NF1: variants seen among roughly 807,000 people sequenced by gnomAD.
The protein encoded by NF1 is neurofibromin 1, also known as neurofibromin.
NF1 carries 122 observed loss-of-function variants against 325.7 expected under a neutral mutation model. The ratio of observed to expected loss-of-function variants is 0.37; its 90% CI spans 0.32 to 0.44. The LOEUF (loss-of-function observed/expected upper bound fraction) is 0.44. NF1 is among the 20% of genes least tolerant of loss of function. The pLI, the probability that NF1 is intolerant of heterozygous loss-of-function variation, is 1.00. For synonymous variants in NF1, 1,091 were observed against 1,186.0 expected (o/e 0.92, Z 1.65); for missense variants, 2,140 against 3,415.4 (o/e 0.63, Z 9.31).
intron 10 of NF1, 123 bp downstream of exon 10, chr17:31,201,282 C>T (rs2066524428): frequency 3.4e-6 from 5 of 1,471,912 alleles, no homozygotes; most frequent in African/African-American, 2.8e-5. Context: ...TATTGATGTT[C>T]GTTTCAAGAC....
intron 36 of NF1, chr17:31,318,069 C>G (rs2069071598): frequency 4.2e-6 from 2 of 472,500 alleles, no homozygotes; most frequent in Non-Finnish European, 3.6e-6. Flanking sequence ...AAATTTTCCT[C>G]AAATGCTTAG....
At chr17:31,284,428 T>A (rs1260160282) in intron 36 of NF1, among the ~76,000 whole-genome samples, 4 of 152,042 alleles carry the variant, frequency 2.6e-5, no homozygotes, top group Non-Finnish European at 5.9e-5. Flanking sequence ...GATTAAACAG[T>A]CATGTGCTAC....
intron 8 of NF1, among the ~76,000 whole-genome samples, chr17:31,189,413 T>C (rs2066300854): frequency 6.6e-6 from 1 of 152,200 alleles, no homozygotes; most frequent in Admixed American, 6.5e-5. Flanking sequence ...AATTTACGTT[T>C]TTGAAGTGTA....
chr17:31,157,489 T>C (rs1243563454), intron 2 of NF1, among the ~76,000 whole-genome samples: 1 of 152,194 alleles, frequency 6.6e-6, no homozygotes, highest in Admixed American at 6.5e-5. Context: ...TCTCTTGTTC[T>C]ATTTTATTTT....
chr17:31,282,523 C>A (rs749674989), intron 36 of NF1, among the ~76,000 whole-genome samples: 36 of 152,268 alleles, frequency 2.4e-4, no homozygotes, highest in Non-Finnish European at 4.0e-4. Flanking sequence ...CTCCTGCCCC[C>A]CCTCAGCCCC....
chr17:31,162,102 A>G (rs1044009793), intron 3 of NF1, among the ~76,000 whole-genome samples: 3 of 151,808 alleles, frequency 2.0e-5, no homozygotes, highest in African/African-American at 7.3e-5. Context: ...AAATCAACCT[A>G]TGTCACTGGA....
chr17:31,250,562 G>A (rs561443189), intron 30 of NF1: 31 of 200,124 alleles, frequency 1.5e-4, no homozygotes, highest in Non-Finnish European at 3.0e-4. Flanking sequence ...TTCTTCATGT[G>A]GTTGTCATCC....
rs876660624 is a variant in NF1 at position 31,227,252 on chromosome 17, G to A, written c.2286G>A (p.Leu762=). 2 of 1,613,720 alleles carry A rather than the reference G, an allele frequency of 1.2e-6. No homozygotes were observed. Among genetic ancestry groups the A allele is most frequent in the Non-Finnish European group, 1.7e-6 (2 of 1,179,714 alleles). ...RAALQKRVMA[L]LRRIEHPTAG... is the part of the protein sequence containing the mutation. ...CACTTCAGAAAAGAGTGATGGCACT[G>A]CTGAGGCGCATTGAGCATCCCACTG... Residue 762 remains leucine (L), a synonymous_variant, in exon 19 of 58, where the codon CTG becomes CTA. Transcript: ENST00000358273.
intron 4 of NF1, among the ~76,000 whole-genome samples, chr17:31,165,020 C>T (rs1172863868): frequency 6.6e-6 from 1 of 152,084 alleles, no homozygotes; most frequent in African/African-American, 2.4e-5. Flanking sequence ...TAGGTGACTG[C>T]TAGGCCGGCC....
At chr17:31,163,851 C>T (rs1402275802) in intron 4 of NF1, among the ~76,000 whole-genome samples, 19 of 152,016 alleles carry the variant, frequency 1.2e-4, no homozygotes, top group Admixed American at 1.2e-3. Flanking sequence ...CACAACTCTA[C>T]CCTTTATCAC....
intron 12 of NF1, 24 bp downstream of exon 12, chr17:31,206,395 A>T (rs770642158): frequency 7.0e-7 from 1 of 1,421,932 alleles, no homozygotes; most frequent in Non-Finnish European, 9.9e-7. Flanking sequence ...CGAATTTTGA[A>T]TCTCACCTCC....
At chr17:31,162,960 A>G (rs1392864059) in intron 3 of NF1, among the ~76,000 whole-genome samples, 1 of 152,104 alleles carries the variant, frequency 6.6e-6, no homozygotes. Context: ...GGGGGATTGA[A>G]CTTTAATTGT....
chr17:31,326,919 GTTTGT>G (rs777499000), intron 37 of NF1, among the ~76,000 whole-genome samples: 5 of 151,938 alleles, frequency 3.3e-5, no homozygotes, highest in Non-Finnish European at 2.9e-5. Flanking sequence ...CTATAAGATT[GTTTGT>G]TTTGTTTTGT....
At chr17:31,173,078 C>T (rs997067337) in intron 5 of NF1, among the ~76,000 whole-genome samples, 7 of 151,282 alleles carry the variant, frequency 4.6e-5, no homozygotes, top group African/African-American at 1.2e-4. Flanking sequence ...GTTAGGAGTT[C>T]GAGACCAGCC....
At chr17:31,208,814 C>T (rs978209317) in intron 12 of NF1, among the ~76,000 whole-genome samples, 2 of 152,012 alleles carry the variant, frequency 1.3e-5, no homozygotes, top group African/African-American at 4.8e-5. Flanking sequence ...TCGCTTGAAC[C>T]TGGGAGGCAG....
intron 36 of NF1, 150 bp from the exon 37 acceptor site, chr17:31,325,670 A>T: frequency 1.4e-6 from 1 of 694,432 alleles, no homozygotes; most frequent in South Asian, 2.0e-5. Context: ...CCAAAAAACA[A>T]CTGATTTAAA....
At chr17:31,368,346 G>A (rs1360425406) in intron 57 of NF1, among the ~76,000 whole-genome samples, 1 of 151,972 alleles carries the variant, frequency 6.6e-6, no homozygotes, top group Non-Finnish European at 1.5e-5. Flanking sequence ...CACCATTTTG[G>A]CCAGGCTGGT....
At position 31,226,591 on chromosome 17, in the gene NF1, C is replaced by T. The variant is rs759679443; in HGVS notation, c.2158C>T (p.Arg720Trp). 20 of 1,613,718 alleles carry T rather than the reference C, an allele frequency of 1.2e-5. No individual in the cohort carries two copies. The South Asian group carries it at 1.9e-4, about 15-fold the overall frequency. The change falls in exon 18 of 58, where the codon CGG becomes TGG. Residue 720 changes from arginine to tryptophan, a missense_variant. By Grantham distance (101) the Arg-to-Trp change is moderately radical. Coordinates refer to ENST00000358273, the MANE Select transcript of NF1 (RefSeq NM_001042492.3). ...CCACCTCTGTGAGGAAGCAGATATC[C>T]GGTGTGGGGTGGATGAAGTGTCAGT... is the stretch of plus-strand genomic sequence containing the variant. ...FRHLCEEADIRCGVDEVSVHN... is the reference protein window; with the variant it reads ...FRHLCEEADIWCGVDEVSVHN...
At chr17:31,178,868 G>A (rs191588245) in intron 5 of NF1, among the ~76,000 whole-genome samples, 3 of 152,226 alleles carry the variant, frequency 2.0e-5, no homozygotes, top group Admixed American at 2.0e-4. Context: ...CATAAAGCAA[G>A]TCCTTAGAGA....
Sources: gnomAD v4.1 joint callset for allele counts (sites outside exome capture counted in the v4.1 genomes callset) on GRCh38, gnomAD v4.1.1 for gene constraint, MANE v1.5 for transcripts, NCBI Gene and HGNC (gene_info 2026-07-23, HGNC 2026-07-21) for gene names.